Variants in MBOAT1 observed in about 807,000 individuals in gnomAD.
The protein encoded by MBOAT1 is membrane-bound glycerophospholipid O-acyltransferase 1.
Under a neutral mutation model 64.4 loss-of-function variants are expected in MBOAT1, and 67 were observed. The observed-to-expected ratio is 1.04, with a 90% CI of 0.85 to 1.27. The LOEUF (loss-of-function observed/expected upper bound fraction) is 1.27, where lower values mean the gene tolerates loss of function less well. Ranked by LOEUF, MBOAT1 falls within the 50% of genes most tolerant of loss-of-function variation. MBOAT1 has a pLI of 0.00. For synonymous variants in MBOAT1, 229 were observed against 218.9 expected (o/e 1.05, Z -0.41); for missense variants, 563 against 604.6 (o/e 0.93, Z 0.72).
chr6:20,143,397 AGGCCTGGGGGCCGGGGCAAG>A (rs1300951378), intron 4 of MBOAT1, among the ~76,000 whole-genome samples: 3 of 152,214 alleles, frequency 2.0e-5, no homozygotes, highest in Non-Finnish European at 4.4e-5. Flanking sequence ...AAGGTCAAGG[AGGCCTGGGGGCCGGGGCAAG>A]GGCAGTCAGG....
intron 1 of MBOAT1, among the ~76,000 whole-genome samples, chr6:20,161,919 T>G (rs896524105): frequency 6.6e-6 from 1 of 152,250 alleles, no homozygotes; most frequent in Admixed American, 6.5e-5. Flanking sequence ...TTTATTTTTC[T>G]CCCAGTTCAG....
chr6:20,109,812 C>A, intron 11 of MBOAT1, 63 bp from the exon 12 acceptor site: 1 of 1,547,266 alleles, frequency 6.5e-7, no homozygotes, highest in Non-Finnish European at 8.8e-7. Context: ...AACTTTTACT[C>A]TGTGCATGCA....
chr6:20,179,392 G>A (rs1202207), intron 1 of MBOAT1, among the ~76,000 whole-genome samples: 61,790 of 151,938 alleles, frequency 0.41, 14,235 homozygotes, highest in Admixed American at 0.57. Context: ...CCACTTATAA[G>A]TGAAAACATG....
intron 1 of MBOAT1, among the ~76,000 whole-genome samples, chr6:20,192,995 C>CTTTTTTTTTTTT (rs1174816793): frequency 0.027 from 1,477 of 55,038 alleles, 482 homozygotes; most frequent in East Asian, 0.044. Flanking sequence ...GCTATAATTT[C>CTTTTTTTTTTTT]TTTTTTTTTT....
intron 11 of MBOAT1, among the ~76,000 whole-genome samples, chr6:20,110,101 G>A (rs372963347): frequency 6.6e-6 from 1 of 151,598 alleles, no homozygotes; most frequent in Admixed American, 6.6e-5. Context: ...AGTAGAGCTG[G>A]GGTTTCGCCA....
At chr6:20,207,814 C>G (rs530450697) in intron 1 of MBOAT1, among the ~76,000 whole-genome samples, 2 of 152,366 alleles carry the variant, frequency 1.3e-5, no homozygotes, top group African/African-American at 4.8e-5. Context: ...CATCCCTTCT[C>G]TGTTCCACGA....
At chr6:20,178,661 T>C (rs777335791) in intron 1 of MBOAT1, among the ~76,000 whole-genome samples, 3 of 152,190 alleles carry the variant, frequency 2.0e-5, no homozygotes, top group Non-Finnish European at 4.4e-5. Flanking sequence ...TTATTGTTAT[T>C]GTTGTTGTTC....
chr6:20,162,479 T>C (rs1194484448), intron 1 of MBOAT1, among the ~76,000 whole-genome samples: 1 of 152,216 alleles, frequency 6.6e-6, no homozygotes, highest in African/African-American at 2.4e-5. Flanking sequence ...CTTACACATG[T>C]TGAGAAAGTT....
intron 2 of MBOAT1, among the ~76,000 whole-genome samples, 199 bp from the exon 3 acceptor site, chr6:20,151,461 A>G (rs16883433): frequency 0.023 from 3,560 of 152,328 alleles, 134 homozygotes; most frequent in African/African-American, 0.08. Flanking sequence ...ATAACGACAC[A>G]GTTTGCCAAC....
Position 20,181,953 on chromosome 6 carries a change from C to T in MBOAT1, c.100-29184G>A, listed in dbSNP as rs138240201. 2.9e-3 allele frequency among the ~76,000 whole-genome samples: 439 copies of T among 152,296 alleles called. 1 individual carries two copies. The highest frequency in any genetic ancestry group is 9.1e-3 in the African/African-American group (378 of 41,566). On this transcript the variant is annotated intron_variant, in intron 1 of 12. Coordinates refer to ENST00000324607, the MANE Select transcript of MBOAT1 (RefSeq NM_001080480.3). ...GATACAAGAGCCTGGGCTCTAGAGT[C>T]GGAACAATTATGGTTTAAATCCCTG...
intron 1 of MBOAT1, among the ~76,000 whole-genome samples, chr6:20,202,184 T>C (rs1289768259): frequency 1.3e-5 from 2 of 152,168 alleles, no homozygotes; most frequent in African/African-American, 4.8e-5. Flanking sequence ...AGCCACAGAA[T>C]GATGAATGAA....
chr6:20,146,875 G>C (rs1761339666), intron 3 of MBOAT1, among the ~76,000 whole-genome samples: 1 of 152,204 alleles, frequency 6.6e-6, no homozygotes, highest in Non-Finnish European at 1.5e-5. Flanking sequence ...GTGAGAACAT[G>C]TATTCTACAG....
At chr6:20,166,008 A>G (rs1762006425) in intron 1 of MBOAT1, among the ~76,000 whole-genome samples, 1 of 152,092 alleles carries the variant, frequency 6.6e-6, no homozygotes, top group African/African-American at 2.4e-5. Context: ...ACATGAGAGA[A>G]GTTCACAGAT....
intron 12 of MBOAT1, among the ~76,000 whole-genome samples, chr6:20,108,766 G>A (rs1760034093): frequency 6.6e-6 from 1 of 152,172 alleles, no homozygotes; most frequent in Non-Finnish European, 1.5e-5. Context: ...CCAGATACTG[G>A]CCAGAGCCCT....
chr6:20,170,018 T>C (rs1329838653), intron 1 of MBOAT1, among the ~76,000 whole-genome samples: 2 of 152,130 alleles, frequency 1.3e-5, no homozygotes, highest in African/African-American at 4.8e-5. Flanking sequence ...TGCACATTAC[T>C]CTCTGCTCTT....
intron 1 of MBOAT1, among the ~76,000 whole-genome samples, chr6:20,201,877 C>T (rs1034140693): frequency 1.3e-5 from 2 of 151,220 alleles, no homozygotes; most frequent in South Asian, 2.1e-4. Flanking sequence ...CCACCCTGCC[C>T]GGCTGGAAAA....
Position 20,102,287 on chromosome 6 carries a change from C to T in MBOAT1, c.1487G>A (p.Ter496=). ...LNSINKRKTD[*] ...CTTGTTCCGCTTCTCTTGGAGGTAT[C>T]AATCTGTTTTTCTCTTATTAATAGA... The change falls in exon 13 of 13, where the codon TGA becomes TAA. Residue 496 remains the stop codon, a stop_retained_variant. Transcript: ENST00000324607. The T allele has an allele frequency of 1.9e-6, 3 of 1,612,870 alleles. No individual in the cohort carries two copies. The highest frequency in any genetic ancestry group is 1.1e-5 in the South Asian group (1 of 90,640).
At position 20,102,431 on chromosome 6, in the gene MBOAT1, A is replaced by C. The variant is rs771022297; in HGVS notation, c.1362-19T>G. Reference sequence around the variant, plus strand: ...CATGGACCTGGGAATAAAAATATACAAAAATTATATTTCAAATAAGGATGT... The same window carrying C: ...CATGGACCTGGGAATAAAAATATACCAAAATTATATTTCAAATAAGGATGT... On this transcript the variant is annotated intron_variant, in intron 12 of 12. Transcript: ENST00000324607. 6.3e-7 allele frequency: 1 copy of C among 1,576,274 alleles called. No homozygotes were observed. Among genetic ancestry groups the C allele is most frequent in the South Asian group, 1.1e-5 (1 of 88,746 alleles).
chr6:20,152,349 ATAAAT>A (rs1761530142), intron 2 of MBOAT1, among the ~76,000 whole-genome samples: 3 of 140,474 alleles, frequency 2.1e-5, no homozygotes, highest in South Asian at 2.2e-4. Flanking sequence ...TAAAAAATAA[ATAAAT>A]AAATAAATAA....
Sources: gnomAD v4.1 joint callset for allele counts (sites outside exome capture counted in the v4.1 genomes callset) on GRCh38, gnomAD v4.1.1 for gene constraint, MANE v1.5 for transcripts, NCBI Gene and HGNC (gene_info 2026-07-23, HGNC 2026-07-21) for gene names.